The following RARA variants were observed in gnomAD, a reference collection of about 807,000 sequenced individuals.
RARA encodes PML-DDX5-RARA fusion.
Under a neutral mutation model 42.8 loss-of-function variants are expected in RARA, and 5 were observed. The observed-to-expected ratio is 0.12, with a 90% CI of 0.06 to 0.25. The LOEUF (loss-of-function observed/expected upper bound fraction) is 0.25, where lower values mean the gene tolerates loss of function less well. Among genes scored for constraint, RARA ranks in the 10% least tolerant of loss-of-function variants. The pLI is 1.00. For missense variants in RARA, 402 were observed against 628.7 expected, an observed-to-expected ratio of 0.64 and a Z score of 3.86; for synonymous variants, 256 against 259.5, an observed-to-expected ratio of 0.99 and a Z score of 0.13.
At chr17:40,339,660 A>G (rs1161251614) in intron 2 of RARA, among the ~76,000 whole-genome samples, 1 of 152,010 alleles carries the variant, frequency 6.6e-6, no homozygotes, top group Non-Finnish European at 1.5e-5. Context: ...CTTGCTTGCC[A>G]CACTCTGCCT....
intron 1 of RARA, among the ~76,000 whole-genome samples, chr17:40,315,146 A>ATATATGCTTATATGTG (rs2033178572): frequency 8.1e-6 from 1 of 123,594 alleles, no homozygotes; most frequent in Non-Finnish European, 1.7e-5. Flanking sequence ...ATATATATAT[A>ATATATGCTTATATGTG]TATATATATA....
Position 40,354,230 on chromosome 17 carries a change from C to A in RARA, c.808-72C>A. ...AGGTGGTCCTCCGGGAGTGCTGGTG[C>A]GGAGTGCTGGTGCCGAGTGCTCAGA... is the stretch of plus-strand genomic sequence containing the variant. On this transcript the variant is annotated intron_variant, in intron 6 of 8. Transcript: ENST00000254066. The surrounding 1 kb of genome is among the most constrained non-coding windows in gnomAD (Gnocchi z 4.5). 7.0e-7 allele frequency: 1 copy of A among 1,434,564 alleles called. No individual in the cohort carries two copies. The highest frequency in any genetic ancestry group is 9.6e-7 in the Non-Finnish European group (1 of 1,039,204). 88.9% of individuals were successfully genotyped at this position (1,434,564 alleles called of 1,614,324 possible).
At position 40,320,915 on chromosome 17, in the gene RARA, G is replaced by C. The variant is rs1035102919; in HGVS notation, c.-362-9942G>C. On this transcript the variant is annotated intron_variant, in intron 1 of 8. Coordinates refer to ENST00000254066, the MANE Select transcript of RARA (RefSeq NM_000964.4). The surrounding 1 kb of genome is among the most constrained non-coding windows in gnomAD (Gnocchi z 4.1). ...GTTTTGGGAGTGTGGGAAGCTGGCA[G>C]GGCCCCTGGCAAGATGACCAGTGTT... Among the ~76,000 whole-genome samples the C allele has an allele frequency of 3.3e-5, 5 of 152,192 alleles. No homozygotes were observed. Among genetic ancestry groups the C allele is most frequent in the African/African-American group, 1.2e-4 (5 of 41,430 alleles).
intron 4 of RARA, 124 bp downstream of exon 4, chr17:40,350,049 C>T (rs33998939): frequency 0.02 from 28,960 of 1,417,534 alleles, 336 homozygotes; most frequent in Non-Finnish European, 0.024. Context: ...CCGTGGTGTG[C>T]GGGCTCACGG....
At chr17:40,337,178 C>G (rs568148774) in intron 2 of RARA, among the ~76,000 whole-genome samples, 1 of 152,336 alleles carries the variant, frequency 6.6e-6, no homozygotes, top group African/African-American at 2.4e-5. Context: ...TAAAGTACTG[C>G]AGAATCATGA....
chr17:40,341,291 C>T (rs745471930), intron 2 of RARA: 8 of 1,372,158 alleles, frequency 5.8e-6, no homozygotes, highest in Non-Finnish European at 7.6e-6. Context: ...CTTTGCTCGC[C>T]GGAAGCACGC....
At chr17:40,313,247 T>C (rs1311700617) in intron 1 of RARA, among the ~76,000 whole-genome samples, 2 of 152,104 alleles carry the variant, frequency 1.3e-5, no homozygotes, top group African/African-American at 4.8e-5. Flanking sequence ...CCAGGACCTG[T>C]GGGTCATGGT....
At chr17:40,339,036 A>T (rs1164028637) in intron 2 of RARA, among the ~76,000 whole-genome samples, 4 of 152,178 alleles carry the variant, frequency 2.6e-5, no homozygotes, top group African/African-American at 9.7e-5. Flanking sequence ...AAATAAAAAT[A>T]AAAAAATAGA....
intron 1 of RARA, among the ~76,000 whole-genome samples, chr17:40,315,414 C>A (rs2033192496): frequency 6.6e-6 from 1 of 151,818 alleles, no homozygotes; most frequent in Non-Finnish European, 1.5e-5. Context: ...TCTTTTTGAG[C>A]CTCAGTTTTT....
rs2034334930 is a variant in RARA at position 40,348,332 on chromosome 17, C to T, written c.195C>T (p.Ser65=). 6.2e-7 allele frequency: 1 copy of T among 1,602,728 alleles called. No individual in the cohort carries two copies. The highest frequency in any genetic ancestry group is 1.3e-5 in the African/African-American group (1 of 74,390). ...TPSPATIETQ[S]SSSEEIVPSP... ...TCTCTCTAGCCATTGAGACCCAGAG[C>T]AGCAGTTCTGAAGAGATAGTGCCCA... Residue 65 remains serine (S), a synonymous_variant, in exon 3 of 9, where the codon AGC becomes AGT. Transcript: ENST00000254066.
At position 40,356,511 on chromosome 17, in the gene RARA, G is replaced by A. The variant is rs536667337; in HGVS notation, c.*285G>A. The stretch of plus-strand genomic sequence containing the variant: ...TCTCAGGATGGGTCCTGGGGGCCTC[G>A]TGTTCATCAAGACACCCCTCTGCCC... On this transcript the variant is annotated 3_prime_UTR_variant, in exon 9 of 9. Coordinates refer to ENST00000254066, the MANE Select transcript of RARA (RefSeq NM_000964.4). 258 of 661,888 alleles carry A rather than the reference G, an allele frequency of 3.9e-4. 3 individuals carry two copies. The African/African-American group carries it at 4.3e-3, about 11-fold the overall frequency. The allele number at this position is 661,888 out of a possible 1,614,324, so 41.0% of individuals were successfully genotyped here.
chr17:40,347,471 G>A (rs1490071552), intron 2 of RARA, among the ~76,000 whole-genome samples: 1 of 152,186 alleles, frequency 6.6e-6, no homozygotes. Flanking sequence ...TGGCCAGTGA[G>A]GGCTGCCCCT....
intron 1 of RARA, among the ~76,000 whole-genome samples, chr17:40,323,414 C>T (rs997867294): frequency 4.6e-5 from 7 of 152,058 alleles, no homozygotes; most frequent in African/African-American, 1.7e-4. Context: ...AAACCACCTT[C>T]CCCAGGGAGT....
chr17:40,329,069 A>G lies in RARA; in HGVS notation c.-362-1788A>G, dbSNP rs570667362. Among the ~76,000 whole-genome samples the G allele has an allele frequency of 2.6e-5, 4 of 152,116 alleles. No homozygotes were observed. In the East Asian group the frequency reaches 7.7e-4, roughly 29 times the overall value. ...ATTCCAATTTCTCCACATCCTCGCC[A>G]GTACTTGTTATTATCTGTCTTTCTT... On this transcript the variant is annotated intron_variant, in intron 1 of 8. Coordinates refer to ENST00000254066, the MANE Select transcript of RARA (RefSeq NM_000964.4).
chr17:40,344,202 C>T (rs1280542749), intron 2 of RARA, among the ~76,000 whole-genome samples: 2 of 152,062 alleles, frequency 1.3e-5, no homozygotes, highest in Non-Finnish European at 2.9e-5. Flanking sequence ...GACAGCCCAC[C>T]TCTGCCCTCC....
chr17:40,342,543 CG>C, intron 2 of RARA: 1 of 1,324,662 alleles, frequency 7.5e-7, no homozygotes, highest in East Asian at 3.1e-5. Context: ...GACTTAGACG[CG>C]GGGACTTCAG....
intron 1 of RARA, among the ~76,000 whole-genome samples, chr17:40,310,193 C>T (rs189538151): frequency 6.6e-6 from 1 of 152,314 alleles, no homozygotes; most frequent in African/African-American, 2.4e-5. Context: ...GCTTCTGCCC[C>T]GCTACAGGCT....
rs2034425739 is a variant in RARA, at chr17:40,351,016, G to A, written c.470-894G>A. ...TCCCACCGCCAACTCCCCCTCTCCC[G>A]GCTGCTCTGTGCCCCGGAGCTGAGC... On this transcript the variant is annotated intron_variant, in intron 4 of 8. Coordinates refer to ENST00000254066, the MANE Select transcript of RARA (RefSeq NM_000964.4). The surrounding 1 kb of genome is among the most constrained non-coding windows in gnomAD (Gnocchi z 4.1). Among the ~76,000 whole-genome samples, 1 of 150,132 alleles carries A rather than the reference G, an allele frequency of 6.7e-6. No individual in the cohort carries two copies. The highest frequency in any genetic ancestry group is 1.5e-5 in the Non-Finnish European group (1 of 67,584).
intron 2 of RARA, chr17:40,341,817 C>T (rs979608141): frequency 1.3e-5 from 15 of 1,179,860 alleles, no homozygotes; most frequent in Non-Finnish European, 1.6e-5. Context: ...TTGGGGGAGC[C>T]TGGGAGCCGG....
Sources: allele counts gnomAD v4.1 joint callset (sites outside exome capture counted in the v4.1 genomes callset), GRCh38; gene constraint gnomAD v4.1.1; non-coding constraint Gnocchi (gnomAD v3.1); transcripts MANE v1.5; gene names NCBI Gene and HGNC (gene_info 2026-07-23, HGNC 2026-07-21).